Variants in DLGAP2 observed in about 807,000 individuals in gnomAD.
DLGAP2 encodes disks large-associated protein 2.
A neutral mutation model predicts 100.3 loss-of-function variants in DLGAP2; 26 were observed. The observed-to-expected ratio is 0.26, with a 90% confidence interval of 0.19 to 0.36. The LOEUF (loss-of-function observed/expected upper bound fraction) is 0.36. DLGAP2 is among the 10% of genes least tolerant of loss of function. The pLI, the probability that DLGAP2 is intolerant of heterozygous loss-of-function variation, is 1.00. For synonymous variants in DLGAP2, 886 were observed against 630.1 expected, an observed-to-expected ratio of 1.41 and a Z score of -6.08; for missense variants, 1,858 against 1,453.2, an observed-to-expected ratio of 1.28 and a Z score of -4.53.
chr8:1,577,857 T>C (rs1189766294), intron 6 of DLGAP2, among the ~76,000 whole-genome samples: 4 of 152,152 alleles, frequency 2.6e-5, no homozygotes, highest in African/African-American at 9.7e-5. Flanking sequence ...AACCTGCCCC[T>C]GGCCCCGCAA....
chr8:1,617,614 C>T (rs952566938), intron 6 of DLGAP2, among the ~76,000 whole-genome samples: 3 of 152,116 alleles, frequency 2.0e-5, no homozygotes, highest in Non-Finnish European at 4.4e-5. Flanking sequence ...GGGTATTAGA[C>T]CTTTGTTGGA....
intron 1 of DLGAP2, among the ~76,000 whole-genome samples, chr8:774,327 T>C (rs1821450866): frequency 6.6e-6 from 1 of 152,256 alleles, no homozygotes. Context: ...TAGTTTCTTT[T>C]GCTGTGCAGA....
intron 3 of DLGAP2, among the ~76,000 whole-genome samples, chr8:1,420,867 G>C (rs1205471799): frequency 6.6e-6 from 1 of 152,174 alleles, no homozygotes. Flanking sequence ...GCGCAGTCCT[G>C]TTTGGTGTCT....
chr8:1,186,344 A>G (rs1797504673), intron 2 of DLGAP2, among the ~76,000 whole-genome samples: 2 of 152,196 alleles, frequency 1.3e-5, no homozygotes, highest in African/African-American at 2.4e-5. Flanking sequence ...TCCTTATTCT[A>G]ACCAGCATCG....
At chr8:1,293,875 T>G (rs1245513216) in intron 3 of DLGAP2, among the ~76,000 whole-genome samples, 1 of 152,228 alleles carries the variant, frequency 6.6e-6, no homozygotes, top group African/African-American at 2.4e-5. Context: ...AAAAATAGTT[T>G]ATTGTCTTCA....
intron 3 of DLGAP2, among the ~76,000 whole-genome samples, chr8:1,496,790 C>G (rs1297482812): frequency 6.6e-6 from 1 of 152,270 alleles, no homozygotes; most frequent in African/African-American, 2.4e-5. Context: ...ACCCGAGGCA[C>G]CGCACACGCC....
chr8:1,257,832 C>T (rs146090143), intron 2 of DLGAP2, among the ~76,000 whole-genome samples: 2 of 152,242 alleles, frequency 1.3e-5, no homozygotes, highest in African/African-American at 4.8e-5. Context: ...TGCTCATTCC[C>T]TCTCCCACCC....
intron 2 of DLGAP2, among the ~76,000 whole-genome samples, chr8:1,071,626 A>G (rs946052633): frequency 5.3e-5 from 8 of 152,102 alleles, no homozygotes; most frequent in Non-Finnish European, 1.2e-4. Flanking sequence ...CACCTGGTTC[A>G]TTTAGTGATA....
rs528969439 is a variant in DLGAP2, at chr8:1,024,699, G to T, written c.73+116733G>T. 1.2e-3 allele frequency among the ~76,000 whole-genome samples: 181 copies of T among 152,302 alleles called. 1 individual carries two copies. The highest frequency in any genetic ancestry group is 0.01 in the Middle Eastern group (3 of 294). On this transcript the variant is annotated intron_variant, in intron 2 of 14. Transcript: ENST00000637795. The stretch of plus-strand genomic sequence containing the variant: ...TGCGGTGGGTTTGTTCTCTCTGCTC[G>T]TGAAGAACTCACAGGCGCTTCAGCA...
At chr8:861,644 A>G (rs989484410) in intron 1 of DLGAP2, among the ~76,000 whole-genome samples, 13 of 152,252 alleles carry the variant, frequency 8.5e-5, no homozygotes, top group African/African-American at 2.7e-4. Context: ...TGGAATTCCA[A>G]ACAACCCAGG....
At chr8:1,110,538 C>T (rs1804921003) in intron 2 of DLGAP2, among the ~76,000 whole-genome samples, 1 of 146,126 alleles carries the variant, frequency 6.8e-6, no homozygotes, top group Admixed American at 6.8e-5. Flanking sequence ...GTGAGGTGTG[C>T]ATAGGGTGGG....
intron 6 of DLGAP2, among the ~76,000 whole-genome samples, chr8:1,575,645 T>A (rs1426508218): frequency 8.8e-6 from 1 of 113,082 alleles, no homozygotes; most frequent in Non-Finnish European, 1.7e-5. Flanking sequence ...CAGGCCCTAG[T>A]GTGTGATGTT....
chr8:1,090,586 T>G (rs990923971), intron 2 of DLGAP2, among the ~76,000 whole-genome samples: 2 of 151,918 alleles, frequency 1.3e-5, no homozygotes, highest in Non-Finnish European at 2.9e-5. Flanking sequence ...GTGGGGAGAG[T>G]GGCAGCCCCC....
chr8:861,404 A>G (rs1462379980), intron 1 of DLGAP2, among the ~76,000 whole-genome samples: 1 of 152,118 alleles, frequency 6.6e-6, no homozygotes. Context: ...ACTTCTCCTC[A>G]TGCTCGCAGT....
chr8:1,084,918 C>G (rs1803925192), intron 2 of DLGAP2, among the ~76,000 whole-genome samples: 2 of 152,168 alleles, frequency 1.3e-5, no homozygotes, highest in Non-Finnish European at 2.9e-5. Context: ...GGATCATTCT[C>G]TTTTTAATTC....
At chr8:1,061,786 C>T (rs112127589) in intron 2 of DLGAP2, among the ~76,000 whole-genome samples, 20 of 151,916 alleles carry the variant, frequency 1.3e-4, no homozygotes, top group African/African-American at 3.9e-4. Flanking sequence ...GAGCCATTTC[C>T]GTGGAGGGCT....
intron 14 of DLGAP2, among the ~76,000 whole-genome samples, chr8:1,698,751 G>C (rs1799482208): frequency 6.6e-6 from 1 of 151,910 alleles, no homozygotes; most frequent in African/African-American, 2.4e-5. Flanking sequence ...TGTGGGACTA[G>C]ACAAGTCCAA....
At chr8:796,395 C>T (rs1164752678) in intron 1 of DLGAP2, among the ~76,000 whole-genome samples, 1 of 151,954 alleles carries the variant, frequency 6.6e-6, no homozygotes, top group Non-Finnish European at 1.5e-5. Context: ...TTCACGGTAC[C>T]CTCAGGATTT....
chr8:1,430,431 T>C (rs941758378), intron 3 of DLGAP2, among the ~76,000 whole-genome samples: 1 of 152,194 alleles, frequency 6.6e-6, no homozygotes, highest in South Asian at 2.1e-4. Flanking sequence ...CAAGGTCGGT[T>C]TGATCAAATC....
Sources: allele counts gnomAD v4.1 joint callset (sites outside exome capture counted in the v4.1 genomes callset), GRCh38; gene constraint gnomAD v4.1.1; transcripts MANE v1.5; gene names NCBI Gene and HGNC (gene_info 2026-07-23, HGNC 2026-07-21).